The following ZBTB7C variants were observed in gnomAD, a reference collection of about 807,000 sequenced individuals.
The protein encoded by ZBTB7C is zinc finger and BTB domain containing 7C, also known as zinc finger and BTB domain-containing protein 7C.
A neutral mutation model predicts 25.7 loss-of-function variants in ZBTB7C; 8 were observed. That is an observed-to-expected ratio of 0.31 (90% confidence interval 0.18 to 0.56). ZBTB7C has a LOEUF of 0.56. Among genes scored for constraint, ZBTB7C ranks in the 20% least tolerant of loss-of-function variants. ZBTB7C has a pLI of 0.91. For missense variants in ZBTB7C, 824 were observed against 855.2 expected, an observed-to-expected ratio of 0.96 and a Z score of 0.46; for synonymous variants, 394 against 369.0, an observed-to-expected ratio of 1.07 and a Z score of -0.78.
intron 1 of ZBTB7C, among the ~76,000 whole-genome samples, 175 bp downstream of exon 1, chr18:48,409,051 G>T (rs1459137574): frequency 6.6e-6 from 1 of 151,140 alleles, no homozygotes; most frequent in Non-Finnish European, 1.5e-5. Context: ...GCGCCCCAAG[G>T]CGCGCGGACC....
At chr18:48,276,153 T>C (rs2044644470) in intron 2 of ZBTB7C, among the ~76,000 whole-genome samples, 4 of 152,108 alleles carry the variant, frequency 2.6e-5, no homozygotes, top group Admixed American at 2.6e-4. Flanking sequence ...GGATCTCCTA[T>C]TGTAAAATTT....
At chr18:48,030,844 A>G (rs557530541) in intron 4 of ZBTB7C, among the ~76,000 whole-genome samples, 45 of 147,698 alleles carry the variant, frequency 3.0e-4, no homozygotes, top group African/African-American at 1.0e-3. Context: ...TCTTGACAGG[A>G]AAACTGATAT....
At chr18:48,091,009 G>C (rs977614657) in intron 3 of ZBTB7C, among the ~76,000 whole-genome samples, 21 of 148,228 alleles carry the variant, frequency 1.4e-4, no homozygotes, top group African/African-American at 4.9e-4. Flanking sequence ...AAAAGGAAAA[G>C]AAAAAAAAGG....
At chr18:48,289,404 C>T (rs1012924049) in intron 2 of ZBTB7C, among the ~76,000 whole-genome samples, 1 of 151,732 alleles carries the variant, frequency 6.6e-6, no homozygotes, top group Non-Finnish European at 1.5e-5. Flanking sequence ...TATTATGTAG[C>T]AATGAAAAAT....
chr18:48,119,719 G>A (rs1466839226), intron 3 of ZBTB7C, among the ~76,000 whole-genome samples: 2 of 152,202 alleles, frequency 1.3e-5, no homozygotes, highest in African/African-American at 2.4e-5. Context: ...GCAAATGTGT[G>A]TTGGTTTGCT....
chr18:48,106,550 C>A (rs1045065751), intron 3 of ZBTB7C, among the ~76,000 whole-genome samples: 2 of 152,010 alleles, frequency 1.3e-5, no homozygotes, highest in Admixed American at 6.6e-5. Flanking sequence ...GGTGGGGAGT[C>A]AGAGGAGGGG....
chr18:48,195,459 C>T (rs188286910), intron 2 of ZBTB7C, among the ~76,000 whole-genome samples: 23 of 152,210 alleles, frequency 1.5e-4, no homozygotes, highest in African/African-American at 5.5e-4. Context: ...CTCTTGCCTG[C>T]CGCCATGTAA....
intron 2 of ZBTB7C, among the ~76,000 whole-genome samples, chr18:48,235,664 C>G (rs1367518838): frequency 6.6e-6 from 1 of 152,098 alleles, no homozygotes; most frequent in African/African-American, 2.4e-5. Context: ...AGTGTGAACT[C>G]TCTGAGTTTT....
intron 1 of ZBTB7C, among the ~76,000 whole-genome samples, chr18:48,347,077 T>C (rs112179908): frequency 0.1 from 15,336 of 147,068 alleles, 970 homozygotes; most frequent in African/African-American, 0.17. Flanking sequence ...GCCACCACGC[T>C]GGGCCAGCAT....
chr18:48,267,326 C>G (rs1347175190), intron 2 of ZBTB7C, among the ~76,000 whole-genome samples: 1 of 152,242 alleles, frequency 6.6e-6, no homozygotes, highest in Non-Finnish European at 1.5e-5. Flanking sequence ...CACTGCTTGA[C>G]AGCAAGGCCC....
chr18:48,128,448 C>T (rs1400367900), intron 3 of ZBTB7C, among the ~76,000 whole-genome samples: 1 of 152,212 alleles, frequency 6.6e-6, no homozygotes, highest in Non-Finnish European at 1.5e-5. Context: ...AGATATGGAA[C>T]CAACCTAAGT....
intron 3 of ZBTB7C, among the ~76,000 whole-genome samples, chr18:48,099,891 C>T (rs912062564): frequency 6.6e-6 from 1 of 152,246 alleles, no homozygotes; most frequent in East Asian, 1.9e-4. Flanking sequence ...GTGCCTCCCC[C>T]AGACGTATTT....
At chr18:48,352,238 C>T (rs377620089) in intron 1 of ZBTB7C, among the ~76,000 whole-genome samples, 5 of 152,194 alleles carry the variant, frequency 3.3e-5, no homozygotes, top group African/African-American at 4.8e-5. Flanking sequence ...TGGATGCCCA[C>T]TAAGCTCTTG....
At chr18:48,300,289 T>C (rs752683028) in intron 2 of ZBTB7C, among the ~76,000 whole-genome samples, 16 of 152,178 alleles carry the variant, frequency 1.1e-4, no homozygotes, top group Non-Finnish European at 2.2e-4. Flanking sequence ...GCTAGGTTTT[T>C]CATGAGTTCC....
At chr18:48,178,910 G>C (rs368889137) in intron 3 of ZBTB7C, among the ~76,000 whole-genome samples, 1 of 152,122 alleles carries the variant, frequency 6.6e-6, no homozygotes, top group Non-Finnish European at 1.5e-5. Context: ...CTCTTCTGGG[G>C]CCCTACCTCT....
intron 3 of ZBTB7C, among the ~76,000 whole-genome samples, chr18:48,073,529 C>T (rs763486727): frequency 7.9e-5 from 12 of 152,098 alleles, no homozygotes; most frequent in Non-Finnish European, 1.5e-4. Context: ...CGCAGGGGTG[C>T]GGGCAGGTAC....
intron 1 of ZBTB7C, among the ~76,000 whole-genome samples, chr18:48,399,617 C>T (rs889677442): frequency 2.6e-5 from 4 of 152,292 alleles, no homozygotes; most frequent in Admixed American, 6.5e-5. Flanking sequence ...CCTTCCTGGG[C>T]CTCGTCTGAA....
chr18:48,069,264 C>T (rs565947834), intron 3 of ZBTB7C, among the ~76,000 whole-genome samples: 8 of 152,334 alleles, frequency 5.3e-5, no homozygotes, highest in South Asian at 4.1e-4. Flanking sequence ...TCACCACAAT[C>T]GGAAAATGCC....
intron 3 of ZBTB7C, among the ~76,000 whole-genome samples, chr18:48,088,800 A>G (rs2038293537): frequency 6.6e-6 from 1 of 152,210 alleles, no homozygotes; most frequent in African/African-American, 2.4e-5. Flanking sequence ...ACTGCACTTC[A>G]GCCTGGGCGA....
Sources: gnomAD v4.1 joint callset for allele counts (sites outside exome capture counted in the v4.1 genomes callset) on GRCh38, gnomAD v4.1.1 for gene constraint, MANE v1.5 for transcripts, NCBI Gene and HGNC (gene_info 2026-07-23, HGNC 2026-07-21) for gene names.